The following TGM4 variants were observed in gnomAD, a reference collection of about 807,000 sequenced individuals.
TGM4 encodes protein-glutamine gamma-glutamyltransferase 4.
Under a neutral mutation model 76.3 loss-of-function variants are expected in TGM4, and 61 were observed. That is an observed-to-expected ratio of 0.80 (90% confidence interval 0.65 to 0.99). The LOEUF (loss-of-function observed/expected upper bound fraction) is 0.99, where lower values mean the gene tolerates loss of function less well. TGM4 is among the 50% of genes least tolerant of loss of function. TGM4 has a pLI of 0.00. For missense variants in TGM4, 794 were observed against 843.2 expected (o/e 0.94, Z 0.72); for synonymous variants, 337 against 329.8 (o/e 1.02, Z -0.24).
At chr3:44,897,714 A>G (rs764988522) in intron 6 of TGM4, among the ~76,000 whole-genome samples, 45 of 152,236 alleles carry the variant, frequency 3.0e-4, no homozygotes, top group Admixed American at 1.5e-3. Flanking sequence ...TATTTACTGT[A>G]TTAGAAATTA....
intron 10 of TGM4, among the ~76,000 whole-genome samples, chr3:44,908,261 G>A (rs1286714877): frequency 3.3e-5 from 5 of 152,142 alleles, no homozygotes; most frequent in Non-Finnish European, 7.4e-5. Context: ...GGAGAGCTTT[G>A]TAACCAAGCT....
intron 1 of TGM4, among the ~76,000 whole-genome samples, chr3:44,878,505 T>A (rs1699482927): frequency 2.0e-5 from 3 of 148,584 alleles, no homozygotes; most frequent in African/African-American, 7.4e-5. Flanking sequence ...TTATTTGAGA[T>A]GAGGTCTCAC....
chr3:44,912,223 C>T (rs994458173), intron 13 of TGM4, among the ~76,000 whole-genome samples: 7 of 152,324 alleles, frequency 4.6e-5, no homozygotes, highest in East Asian at 1.9e-4. Flanking sequence ...TTTTCCTTTA[C>T]GGATACTGAA....
chr3:44,902,682 A>G (rs911111613), intron 8 of TGM4, among the ~76,000 whole-genome samples: 1 of 152,220 alleles, frequency 6.6e-6, no homozygotes, highest in Non-Finnish European at 1.5e-5. Context: ...GGGAAGGGCC[A>G]GGAGTCTGAA....
chr3:44,890,619 C>CCAGTT lies in TGM4; in HGVS notation c.319_323dup (p.Pro109ValfsTer12), dbSNP rs1293225723. ...TTTGCTCAGGTCACAGTGGCTGTCA[C>CCAGTT]CAGTTCCCCCAATGCCATCCTGGGC... is the stretch of plus-strand genomic sequence containing the variant. On this transcript the variant is annotated frameshift_variant, in exon 4 of 14. Transcript: ENST00000296125. LOFTEE classifies it high-confidence loss of function. The CCAGTT allele has an allele frequency of 1.2e-6, 2 of 1,614,110 alleles. No homozygotes were observed. The highest frequency in any genetic ancestry group is 4.5e-5 in the East Asian group (2 of 44,876).
intron 6 of TGM4, chr3:44,901,004 T>C (rs4683004): frequency 0.49 from 76,021 of 156,036 alleles, 19,138 homozygotes; most frequent in East Asian, 0.81. Context: ...TTTGGGAGGT[T>C]GAGACAGTTG....
intron 2 of TGM4, among the ~76,000 whole-genome samples, chr3:44,887,406 T>C (rs1699622880): frequency 6.6e-6 from 1 of 152,132 alleles, no homozygotes. Flanking sequence ...AATGAGCATG[T>C]GACAGAGGCA....
chr3:44,885,519 TC>T (rs1170269149), intron 2 of TGM4, 21 bp downstream of exon 2: 2 of 1,600,254 alleles, frequency 1.2e-6, no homozygotes, highest in East Asian at 4.5e-5. Context: ...GGGGCCCTAC[TC>T]ATGGGGCTTT....
chr3:44,903,851 T>C (rs1456668387), intron 8 of TGM4, 33 bp from the exon 9 acceptor site: 28 of 1,602,236 alleles, frequency 1.7e-5, no homozygotes, highest in Non-Finnish European at 2.4e-5. Context: ...TTGGGGGTGG[T>C]CCGGGGTGGG....
intron 5 of TGM4, 103 bp downstream of exon 5, chr3:44,893,798 T>G (rs1175482160): frequency 1.8e-6 from 2 of 1,088,766 alleles, no homozygotes; most frequent in African/African-American, 3.1e-5. Context: ...GTTGTGAACC[T>G]CGGGTCAAAC....
At chr3:44,879,255 CTCTCTCTCTCTATA>C (rs1428899320) in intron 1 of TGM4, among the ~76,000 whole-genome samples, 1 of 99,898 alleles carries the variant, frequency 1.0e-5, no homozygotes, top group Admixed American at 1.2e-4. Flanking sequence ...CTCTCTCTCT[CTCTCTCTCTCTATA>C]TATATATATA....
rs148772351 is a variant in TGM4, at chr3:44,890,651, C to G, written c.349C>G (p.Gln117Glu). The G allele has an allele frequency of 6.2e-7, 1 of 1,614,164 alleles. No homozygotes were observed. Residue 117 changes from glutamine to glutamate, a missense_variant, in exon 4 of 14, where the codon CAA becomes GAA. Physicochemically the swap from Gln to Glu is conservative, Grantham distance 29. Coordinates refer to ENST00000296125, the MANE Select transcript of TGM4 (RefSeq NM_003241.4). ...SSPNAILGKY[Q>E]LNVKTGNHIL... ...CCCCAATGCCATCCTGGGCAAGTAC[C>G]AACTAAACGTGAAAACTGGAAACCA...
In TGM4 at chr3:44,887,793, G is replaced by A; in HGVS notation, c.298G>A (p.Glu100Lys). ...QATLQNESGK[E>K]VTVAVTSSPN... Reference sequence around the variant, plus strand: ...AACCCTTCAAAATGAGTCTGGCAAAGAGGTGAGCACCCACTGGGCTGGCGG... The same window carrying A: ...AACCCTTCAAAATGAGTCTGGCAAAAAGGTGAGCACCCACTGGGCTGGCGG... Residue 100 changes from glutamate to lysine, a missense_variant and splice_region_variant, in exon 3 of 14, where the codon GAG becomes AAG. Physicochemically the swap from Glu to Lys is moderately conservative, Grantham distance 56. Coordinates refer to ENST00000296125, the MANE Select transcript of TGM4 (RefSeq NM_003241.4). 2 of 1,614,172 alleles carry A rather than the reference G, an allele frequency of 1.2e-6. No individual in the cohort carries two copies. Among genetic ancestry groups the A allele is most frequent in the Non-Finnish European group, 1.7e-6 (2 of 1,180,012 alleles).
At chr3:44,887,898 G>T (rs1203638625) in intron 3 of TGM4, 103 bp downstream of exon 3, 1 of 1,009,378 alleles carries the variant, frequency 9.9e-7, no homozygotes, top group Admixed American at 2.0e-5. Flanking sequence ...CTGGTAACAT[G>T]GTTTAAAGCC....
rs1369009383 is a variant in TGM4 at position 44,914,751 on chromosome 3, A to G, written c.*1026A>G. Reference sequence around the variant, plus strand: ...TTGGCTTCTTTATTGTCTGTTCAGTACATCCAACCCCTCTCTCAAAGGCTG... The same window carrying G: ...TTGGCTTCTTTATTGTCTGTTCAGTGCATCCAACCCCTCTCTCAAAGGCTG... On this transcript the variant is annotated 3_prime_UTR_variant, in exon 14 of 14. Coordinates refer to ENST00000296125, the MANE Select transcript of TGM4 (RefSeq NM_003241.4). The G allele has an allele frequency of 2.0e-5, 3 of 152,112 alleles. No homozygotes were observed. The highest frequency in any genetic ancestry group is 3.9e-4 in the East Asian group (2 of 5,190). The allele number at this position is 152,112 out of a possible 1,614,324, so 9.4% of individuals were successfully genotyped here.
chr3:44,881,164 A>G (rs1699526641), intron 1 of TGM4, among the ~76,000 whole-genome samples: 1 of 151,854 alleles, frequency 6.6e-6, no homozygotes, highest in Non-Finnish European at 1.5e-5. Flanking sequence ...TGTTCACACC[A>G]CGGCACTCCA....
chr3:44,902,886 A>G (rs1258893800), intron 8 of TGM4, among the ~76,000 whole-genome samples: 1 of 152,106 alleles, frequency 6.6e-6, no homozygotes, highest in African/African-American at 2.4e-5. Context: ...GGAGTAGACG[A>G]GGTGGGAAGG....
At position 44,913,968 on chromosome 3, in the gene TGM4, CTG is replaced by C. The variant is rs1700045783; in HGVS notation, c.*244_*245del. ...GAGGCCACAGAATCCCATCCCTTTC[CTG>C]AGTCATGGCCTCAAAAATCAGGGCC... On this transcript the variant is annotated 3_prime_UTR_variant, in exon 14 of 14. Transcript: ENST00000296125. 2.3e-6 allele frequency: 1 copy of C among 432,590 alleles called. No individual in the cohort carries two copies. Among genetic ancestry groups the C allele is most frequent in the African/African-American group, 2.0e-5 (1 of 49,396 alleles). The allele number at this position is 432,590 out of a possible 1,614,324, so 26.8% of individuals were successfully genotyped here. A position where few individuals can be genotyped will look rare whatever the true frequency, so the allele number is the denominator to read the frequency against.
At chr3:44,878,454 TA>T (rs68085916) in intron 1 of TGM4, among the ~76,000 whole-genome samples, 11,724 of 142,694 alleles carry the variant, frequency 0.082, 600 homozygotes, top group South Asian at 0.13. Flanking sequence ...TTTGTTTTAT[TA>T]TTATTATTAT....
Sources: gnomAD v4.1 joint callset for allele counts (sites outside exome capture counted in the v4.1 genomes callset) on GRCh38, gnomAD v4.1.1 for gene constraint, MANE v1.5 for transcripts, NCBI Gene and HGNC (gene_info 2026-07-23, HGNC 2026-07-21) for gene names.